DPP6: variants seen among roughly 807,000 people sequenced by gnomAD.
DPP6 encodes the protein dipeptidyl peptidase like 6, also known as A-type potassium channel modulatory protein DPP6.
In DPP6, 69 loss-of-function variants were observed where a neutral mutation model predicts 122.6. The observed-to-expected ratio is 0.56, with a 90% CI of 0.46 to 0.69. DPP6 has a LOEUF of 0.69. Among genes scored for constraint, DPP6 ranks in the 30% least tolerant of loss-of-function variants. The probability of loss-of-function intolerance (pLI) is 0.00; values close to 1 mark genes in which losing one functional copy is unlikely to be tolerated. For synonymous variants in DPP6, 418 were observed against 433.1 expected, an observed-to-expected ratio of 0.97 and a Z score of 0.43; for missense variants, 928 against 1,116.9, an observed-to-expected ratio of 0.83 and a Z score of 2.41.
intron 5 of DPP6, among the ~76,000 whole-genome samples, chr7:154,628,774 A>G (rs1835236813): frequency 1.3e-5 from 2 of 152,204 alleles, no homozygotes; most frequent in South Asian, 4.1e-4. Context: ...GGCTTCCTGG[A>G]AGCACAGCAG....
intron 8 of DPP6, among the ~76,000 whole-genome samples, chr7:154,737,188 C>A (rs982541195): frequency 2.0e-5 from 3 of 152,158 alleles, no homozygotes; most frequent in Non-Finnish European, 2.9e-5. Context: ...CCATGCCAGG[C>A]CTTACACAAA....
chr7:154,771,398 C>T (rs999897567), intron 9 of DPP6, among the ~76,000 whole-genome samples: 2 of 152,238 alleles, frequency 1.3e-5, no homozygotes, highest in East Asian at 1.9e-4. Context: ...CGCCTTCTCG[C>T]CATGTCTTCA....
intron 1 of DPP6, among the ~76,000 whole-genome samples, chr7:153,998,331 G>T (rs1797538121): frequency 6.6e-6 from 1 of 152,196 alleles, no homozygotes; most frequent in African/African-American, 2.4e-5. Context: ...CATGGTATAA[G>T]AATGCAGTAA....
chr7:154,321,778 C>G (rs1387347086), intron 1 of DPP6, among the ~76,000 whole-genome samples: 1 of 121,842 alleles, frequency 8.2e-6, no homozygotes, highest in African/African-American at 3.5e-5. Context: ...GAGCAAGACT[C>G]TGTCTCAAAA....
intron 23 of DPP6, among the ~76,000 whole-genome samples, chr7:154,888,245 C>T (rs942265022): frequency 2.0e-5 from 3 of 152,074 alleles, no homozygotes; most frequent in East Asian, 1.9e-4. Flanking sequence ...CACGCTGCCA[C>T]GCCCAGCTAA....
At chr7:154,328,582 A>G (rs1341157385) in intron 1 of DPP6, among the ~76,000 whole-genome samples, 1 of 152,140 alleles carries the variant, frequency 6.6e-6, no homozygotes, top group Non-Finnish European at 1.5e-5. Flanking sequence ...AAGCTTTGAG[A>G]ATCCTATTGA....
At position 154,330,273 on chromosome 7, in the gene DPP6, TCAC is replaced by T. The variant is rs1808806869; in HGVS notation, c.244-115937_244-115935del. Among the ~76,000 whole-genome samples the T allele has an allele frequency of 2.0e-5, 3 of 152,222 alleles. No individual in the cohort carries two copies. The South Asian group carries it at 6.2e-4, about 32-fold the overall frequency. On this transcript the variant is annotated intron_variant, in intron 1 of 25. Coordinates refer to ENST00000377770, the MANE Select transcript of DPP6 (RefSeq NM_130797.4). Reference sequence around the variant, plus strand: ...TAGTTCTAATTAATTGAAATTGAGATCACCACAGATGGCAGAGGCTTTCATGTC... The same window carrying T: ...TAGTTCTAATTAATTGAAATTGAGATCACAGATGGCAGAGGCTTTCATGTC...
intron 25 of DPP6, chr7:154,890,594 G>A (rs3807297): frequency 0.33 from 50,433 of 152,024 alleles, 8,962 homozygotes; most frequent in South Asian, 0.44. Flanking sequence ...GATATGGGGC[G>A]AGCTGAACCC....
intron 1 of DPP6, among the ~76,000 whole-genome samples, chr7:154,280,617 T>C (rs1044718198): frequency 3.3e-5 from 5 of 152,196 alleles, no homozygotes; most frequent in Non-Finnish European, 5.9e-5. Flanking sequence ...CAATTTACAC[T>C]TGGATTTAAT....
At chr7:154,816,126 G>T (rs567337675) in intron 16 of DPP6, among the ~76,000 whole-genome samples, 1 of 152,152 alleles carries the variant, frequency 6.6e-6, no homozygotes, top group Non-Finnish European at 1.5e-5. Flanking sequence ...GGGCATCTTG[G>T]TTAACCTTGC....
intron 1 of DPP6, among the ~76,000 whole-genome samples, chr7:153,909,949 T>G (rs1307453224): frequency 6.6e-6 from 1 of 152,102 alleles, no homozygotes; most frequent in African/African-American, 2.4e-5. Context: ...TAAGGGGCCA[T>G]TCACCCGCCC....
intron 10 of DPP6, among the ~76,000 whole-genome samples, chr7:154,784,743 C>T (rs980174023): frequency 1.3e-5 from 2 of 152,186 alleles, no homozygotes; most frequent in African/African-American, 2.4e-5. Context: ...AGCAAGCTCT[C>T]AGGTCTGCAG....
At chr7:153,860,595 A>G in the DPP6 span, among the ~76,000 whole-genome samples, 1 of 151,944 alleles carries the variant, frequency 6.6e-6, no homozygotes, top group African/African-American at 2.4e-5. Context: ...TCCCAATGAC[A>G]AGCCCCAGGT....
At chr7:154,654,182 C>A (rs1430683065) in intron 6 of DPP6, among the ~76,000 whole-genome samples, 1 of 152,026 alleles carries the variant, frequency 6.6e-6, no homozygotes, top group East Asian at 1.9e-4. Context: ...ATATCAAGGA[C>A]TTGAGCATCT....
At chr7:153,874,254 A>ACG in the DPP6 span, among the ~76,000 whole-genome samples, 9 of 139,096 alleles carry the variant, frequency 6.5e-5, no homozygotes, top group Admixed American at 6.2e-4. Flanking sequence ...GCGCACATGC[A>ACG]CACACACACA....
upstream of DPP6, among the ~76,000 whole-genome samples, chr7:154,049,803 T>A (rs1219755711): frequency 6.7e-6 from 1 of 150,028 alleles, no homozygotes; most frequent in Non-Finnish European, 1.5e-5. Context: ...GCCAGGATGG[T>A]CTCAATCTCC....
chr7:154,331,190 G>A (rs1464479453), intron 1 of DPP6, among the ~76,000 whole-genome samples: 2 of 152,218 alleles, frequency 1.3e-5, no homozygotes, highest in African/African-American at 4.8e-5. Context: ...AGACTGGGTA[G>A]TATTTGGAAC....
At chr7:154,731,535 C>G (rs1389587892) in intron 8 of DPP6, among the ~76,000 whole-genome samples, 1 of 152,210 alleles carries the variant, frequency 6.6e-6, no homozygotes, top group Non-Finnish European at 1.5e-5. Context: ...AGAATGTGAG[C>G]TCAACACTGG....
At chr7:154,753,808 C>T (rs1001218115) in intron 8 of DPP6, among the ~76,000 whole-genome samples, 16 of 152,250 alleles carry the variant, frequency 1.1e-4, no homozygotes, top group Admixed American at 6.5e-4. Context: ...ATCCAAGAAG[C>T]GGCATGCGGA....
Sources: gnomAD v4.1 joint callset for allele counts (sites outside exome capture counted in the v4.1 genomes callset) on GRCh38, gnomAD v4.1.1 for gene constraint, MANE v1.5 for transcripts, NCBI Gene and HGNC (gene_info 2026-07-23, HGNC 2026-07-21) for gene names.